Variants in PCDHGA3 observed in about 807,000 individuals in gnomAD.
PCDHGA3 encodes the protein protocadherin gamma subfamily A, 3.
Under a neutral mutation model 58.5 loss-of-function variants are expected in PCDHGA3, and 40 were observed. That is an observed-to-expected ratio of 0.68 (90% CI 0.53 to 0.89). The LOEUF is 0.89. Ranked by LOEUF, PCDHGA3 falls within the 40% of genes least tolerant of loss-of-function variation. The probability of loss-of-function intolerance (pLI) is 0.00; values close to 1 mark genes in which losing one functional copy is unlikely to be tolerated. For synonymous variants in PCDHGA3, 530 were observed against 525.7 expected (o/e 1.01, Z -0.11); for missense variants, 1,223 against 1,195.9 (o/e 1.02, Z -0.33).
intron 1 of PCDHGA3, chr5:141,360,964 A>G (rs771504785): frequency 1.2e-6 from 2 of 1,613,962 alleles, no homozygotes; most frequent in Non-Finnish European, 1.7e-6. Flanking sequence ...AAACGCAGAG[A>G]TCACCTACTC....
intron 1 of PCDHGA3, chr5:141,390,389 G>C: frequency 7.1e-7 from 1 of 1,405,538 alleles, no homozygotes; most frequent in Non-Finnish European, 9.7e-7. Context: ...AGATGTCATG[G>C]ATCATTTTAG....
intron 1 of PCDHGA3, among the ~76,000 whole-genome samples, chr5:141,460,961 A>G (rs113156768): frequency 0.11 from 16,010 of 144,518 alleles, 1,385 homozygotes; most frequent in African/African-American, 0.24. Context: ...GTATATATAT[A>G]TGTGTGTGTG....
Position 141,490,202 on chromosome 5 carries a change from G to A in PCDHGA3, c.2425-4605G>A, listed in dbSNP as rs1594889134. On this transcript the variant is annotated intron_variant, in intron 1 of 3. Coordinates refer to ENST00000253812, the MANE Select transcript of PCDHGA3 (RefSeq NM_018916.4). The surrounding 1 kb of genome is among the most constrained non-coding windows in gnomAD (Gnocchi z 5.4). ...TCACGTTTCTATGAAATTCATGCAA[G>A]AGCCCGTGACCAGGGACAGCCTGCC... 1.2e-6 allele frequency: 2 copies of A among 1,614,220 alleles called. No homozygotes were observed. The highest frequency in any genetic ancestry group is 2.7e-5 in the African/African-American group (2 of 75,060).
intron 1 of PCDHGA3, chr5:141,478,323 G>T (rs1234175290): frequency 1.2e-6 from 2 of 1,613,958 alleles, no homozygotes; most frequent in African/African-American, 2.7e-5. Context: ...TCACTGTACC[G>T]AACACCAGGG....
chr5:141,441,195 A>C (rs1160365905), intron 1 of PCDHGA3: 1 of 152,224 alleles, frequency 6.6e-6, no homozygotes, highest in Non-Finnish European at 1.5e-5. Context: ...TGATTCCCAA[A>C]GATTCTGCAC....
chr5:141,493,979 C>T lies in PCDHGA3; in HGVS notation c.2425-828C>T, dbSNP rs1273325447. ...GAAGTGGCTGGCCAGAGCCCCACAC[C>T]TTCAGCTAGGTGGGAGATGGCTACA... is the stretch of plus-strand genomic sequence containing the variant. On this transcript the variant is annotated intron_variant, in intron 1 of 3. Coordinates refer to ENST00000253812, the MANE Select transcript of PCDHGA3 (RefSeq NM_018916.4). The surrounding 1 kb of genome is among the most constrained non-coding windows in gnomAD (Gnocchi z 4.3). Among the ~76,000 whole-genome samples, 1 of 152,182 alleles carries T rather than the reference C, an allele frequency of 6.6e-6. No individual in the cohort carries two copies. Among genetic ancestry groups the T allele is most frequent in the Non-Finnish European group, 1.5e-5 (1 of 68,032 alleles).
intron 1 of PCDHGA3, chr5:141,403,462 C>A: frequency 6.2e-7 from 1 of 1,614,050 alleles, no homozygotes; most frequent in South Asian, 1.1e-5. Flanking sequence ...TCCAGAGCTA[C>A]CAGCTCAGCC....
In PCDHGA3 at chr5:141,511,532, T is replaced by G. The variant is rs548369303; in HGVS notation, c.*359T>G. Reference sequence around the variant, plus strand: ...GCCCATCCATCCCATGCCTCCCTCCTCCCCACCCCACTCCAACAGTTCCTC... The same window carrying G: ...GCCCATCCATCCCATGCCTCCCTCCGCCCCACCCCACTCCAACAGTTCCTC... On this transcript the variant is annotated 3_prime_UTR_variant, in exon 4 of 4. Transcript: ENST00000253812. 3.6e-5 allele frequency: 12 copies of G among 335,506 alleles called. No homozygotes were observed. In the East Asian group the frequency reaches 8.0e-4, roughly 22 times the overall value. The allele number at this position is 335,506 out of a possible 1,614,324, so 20.8% of individuals were successfully genotyped here. A position where few individuals can be genotyped will look rare whatever the true frequency, so the allele number is the denominator to read the frequency against.
At chr5:141,441,537 C>A in intron 1 of PCDHGA3, 1 of 173,250 alleles carries the variant, frequency 5.8e-6, no homozygotes, top group Non-Finnish European at 1.2e-5. Context: ...ACAATCTTCC[C>A]AAAGCCTCCA....
At chr5:141,355,744 G>T in intron 1 of PCDHGA3, 2 of 1,613,960 alleles carry the variant, frequency 1.2e-6, no homozygotes, top group South Asian at 1.1e-5. Context: ...TTCCCTGGAC[G>T]TGCAAAGTGG....
chr5:141,348,926 A>C (rs918140752), intron 1 of PCDHGA3, among the ~76,000 whole-genome samples: 7 of 152,210 alleles, frequency 4.6e-5, no homozygotes, highest in Non-Finnish European at 7.3e-5. Flanking sequence ...CTTTGAACCA[A>C]GACTGGTTCT....
chr5:141,360,269 CG>C, intron 1 of PCDHGA3: 1 of 1,613,932 alleles, frequency 6.2e-7, no homozygotes, highest in African/African-American at 1.3e-5. Flanking sequence ...GCCAAAAACT[CG>C]GTCGTAGGAA....
chr5:141,417,905 G>A (rs1462731893), intron 1 of PCDHGA3: 1 of 1,593,646 alleles, frequency 6.3e-7, no homozygotes, highest in Admixed American at 1.8e-5. Flanking sequence ...CCCGCGGCAG[G>A]TACTATTTCC....
intron 1 of PCDHGA3, chr5:141,357,850 C>A: frequency 1.6e-6 from 1 of 608,648 alleles, no homozygotes. Context: ...TAGTTTCAGC[C>A]AGAATTTTCT....
rs774993961 is a variant in PCDHGA3, at chr5:141,365,445, A to C, written c.2424+18988A>C. The stretch of plus-strand genomic sequence containing the variant: ...ACTGTAATCGCGCTGTTTAGCGTAC[A>C]TGATGGTGATTCTGGAGAAAATGGT... On this transcript the variant is annotated intron_variant, in intron 1 of 3. Transcript: ENST00000253812. 1 of 1,613,936 alleles carries C rather than the reference A, an allele frequency of 6.2e-7. No individual in the cohort carries two copies. The highest frequency in any genetic ancestry group is 8.5e-7 in the Non-Finnish European group (1 of 1,179,910).
At chr5:141,370,553 C>T in intron 1 of PCDHGA3, 1 of 1,613,810 alleles carries the variant, frequency 6.2e-7, no homozygotes, top group African/African-American at 1.3e-5. Flanking sequence ...TCGCCAAGGA[C>T]CTGGGGTTTG....
intron 1 of PCDHGA3, chr5:141,405,172 T>G: frequency 1.2e-6 from 2 of 1,614,092 alleles, no homozygotes; most frequent in African/African-American, 2.7e-5. Flanking sequence ...CCTCACACTT[T>G]GTGGGTGTAG....
intron 1 of PCDHGA3, chr5:141,371,363 T>C: frequency 3.7e-6 from 6 of 1,613,948 alleles, no homozygotes; most frequent in Non-Finnish European, 5.1e-6. Flanking sequence ...AAGCAAAGGA[T>C]GGTGGACATC....
In PCDHGA3 at chr5:141,372,944, T is replaced by G. The variant is rs575803755; in HGVS notation, c.2424+26487T>G. ...ATTTTCTGGTGTAGAGTAGGGTGTC[T>G]AGGAAATTCTTTGTAGAATTTCCTG... On this transcript the variant is annotated intron_variant, in intron 1 of 3. Coordinates refer to ENST00000253812, the MANE Select transcript of PCDHGA3 (RefSeq NM_018916.4). The G allele has an allele frequency of 1.0e-5, 8 of 788,876 alleles. No individual in the cohort carries two copies. In the East Asian group the frequency reaches 2.2e-4, roughly 22 times the overall value. The allele number at this position is 788,876 out of a possible 1,614,324, so 48.9% of individuals were successfully genotyped here. A position where few individuals can be genotyped will look rare whatever the true frequency, so the allele number is the denominator to read the frequency against.
Sources: gnomAD v4.1 joint callset for allele counts (sites outside exome capture counted in the v4.1 genomes callset) on GRCh38, gnomAD v4.1.1 for gene constraint, Gnocchi (gnomAD v3.1) non-coding constraint, MANE v1.5 for transcripts, NCBI Gene and HGNC (gene_info 2026-07-23, HGNC 2026-07-21) for gene names.